The following PTPRJ variants were observed in gnomAD, a reference collection of about 807,000 sequenced individuals.
PTPRJ encodes protein tyrosine phosphatase receptor type J.
PTPRJ carries 129 observed loss-of-function variants against 141.3 expected under a neutral mutation model. That is an observed-to-expected ratio of 0.91 (90% CI 0.79 to 1.06). The LOEUF (loss-of-function observed/expected upper bound fraction) is 1.06. PTPRJ is among the 50% of genes least tolerant of loss of function. PTPRJ has a pLI of 0.00. For synonymous variants in PTPRJ, 610 were observed against 640.5 expected, an observed-to-expected ratio of 0.95 and a Z score of 0.72; for missense variants, 1,601 against 1,679.7, an observed-to-expected ratio of 0.95 and a Z score of 0.82.
intron 1 of PTPRJ, among the ~76,000 whole-genome samples, chr11:48,001,705 GAA>G (rs1019207799): frequency 2.6e-5 from 4 of 152,134 alleles, no homozygotes; most frequent in African/African-American, 9.7e-5. Context: ...TACAGGAGAG[GAA>G]AATGAGATGC....
At chr11:48,159,521 C>G (rs931569804) in intron 21 of PTPRJ, among the ~76,000 whole-genome samples, 1 of 152,086 alleles carries the variant, frequency 6.6e-6, no homozygotes, top group Admixed American at 6.5e-5. Flanking sequence ...GTAGGCAGAT[C>G]TGATTTTTAA....
intron 22 of PTPRJ, among the ~76,000 whole-genome samples, chr11:48,161,585 T>G (rs1194397490): frequency 6.6e-6 from 1 of 151,956 alleles, no homozygotes. Context: ...AGTAGAAAAA[T>G]GTCATGCTTA....
intron 1 of PTPRJ, among the ~76,000 whole-genome samples, chr11:48,074,047 A>C (rs1480050414): frequency 2.0e-5 from 3 of 152,120 alleles, no homozygotes; most frequent in African/African-American, 7.2e-5. Context: ...TGGCTCGATC[A>C]TGGCTCACTG....
chr11:48,000,467 G>C (rs1035567273), intron 1 of PTPRJ, among the ~76,000 whole-genome samples: 1 of 151,982 alleles, frequency 6.6e-6, no homozygotes, highest in Non-Finnish European at 1.5e-5. Flanking sequence ...CGTAAATTGA[G>C]GTGTGTTATT....
chr11:48,071,114 A>G (rs193283865), intron 1 of PTPRJ, among the ~76,000 whole-genome samples: 137 of 152,336 alleles, frequency 9.0e-4, no homozygotes, highest in African/African-American at 3.2e-3. Context: ...CTAGAACTAC[A>G]GATGAGTGAA....
chr11:48,124,775 A>G (rs1856795307), intron 5 of PTPRJ, among the ~76,000 whole-genome samples, 193 bp from the exon 6 acceptor site: 1 of 152,214 alleles, frequency 6.6e-6, no homozygotes, highest in African/African-American at 2.4e-5. Flanking sequence ...ATAACAGTAC[A>G]AATGGAGATG....
intron 1 of PTPRJ, among the ~76,000 whole-genome samples, chr11:48,033,063 A>C (rs1370899534): frequency 6.6e-6 from 1 of 152,134 alleles, no homozygotes; most frequent in Non-Finnish European, 1.5e-5. Flanking sequence ...ATTAAAAAAA[A>C]AAAAACAAGT....
chr11:48,025,855 T>C (rs1411705706), intron 1 of PTPRJ, among the ~76,000 whole-genome samples: 1 of 152,220 alleles, frequency 6.6e-6, no homozygotes, highest in Non-Finnish European at 1.5e-5. Context: ...CCAGGCTGCA[T>C]CTGCCTCAGA....
At chr11:48,096,635 C>G (rs1487414205) in intron 1 of PTPRJ, 1 of 154,366 alleles carries the variant, frequency 6.5e-6, no homozygotes, top group South Asian at 2.1e-4. Flanking sequence ...CAGTTCACCC[C>G]CCAGAGCTGT....
At chr11:48,026,843 C>T (rs1482372741) in intron 1 of PTPRJ, among the ~76,000 whole-genome samples, 1 of 151,978 alleles carries the variant, frequency 6.6e-6, no homozygotes. Flanking sequence ...TTATCCCTCA[C>T]CTGCTTCCCA....
chr11:48,051,841 T>C (rs1052811053), intron 1 of PTPRJ, among the ~76,000 whole-genome samples: 2 of 152,246 alleles, frequency 1.3e-5, no homozygotes, highest in African/African-American at 4.8e-5. Flanking sequence ...GCTTCTTCTA[T>C]GACTTTGAGC....
chr11:48,071,811 C>A (rs555632554), intron 1 of PTPRJ, among the ~76,000 whole-genome samples: 1 of 151,242 alleles, frequency 6.6e-6, no homozygotes, highest in Non-Finnish European at 1.5e-5. Flanking sequence ...ACCATGTTGT[C>A]CAGGATGGTC....
intron 1 of PTPRJ, among the ~76,000 whole-genome samples, chr11:47,997,984 G>A (rs200714983): frequency 6.6e-6 from 1 of 152,180 alleles, no homozygotes; most frequent in South Asian, 2.1e-4. Flanking sequence ...CCAGCCAGGG[G>A]TGAGTGGAGT....
intron 1 of PTPRJ, among the ~76,000 whole-genome samples, chr11:47,999,616 G>A (rs528194048): frequency 2.0e-5 from 3 of 152,286 alleles, no homozygotes; most frequent in African/African-American, 7.2e-5. Context: ...ATATCTGGGT[G>A]TATGGACACC....
intron 1 of PTPRJ, among the ~76,000 whole-genome samples, chr11:48,015,157 C>T (rs901897218): frequency 7.9e-5 from 12 of 151,920 alleles, no homozygotes; most frequent in Admixed American, 2.0e-4. Flanking sequence ...TTGGAGTCTG[C>T]GGTGGGGATG....
intron 1 of PTPRJ, among the ~76,000 whole-genome samples, chr11:47,999,291 T>A (rs1455676686): frequency 6.6e-6 from 1 of 152,238 alleles, no homozygotes; most frequent in Non-Finnish European, 1.5e-5. Context: ...GGCCCAAGAC[T>A]TGCTTGCTTA....
At position 48,100,030 on chromosome 11, in the gene PTPRJ, T is replaced by C. The variant is rs549942207; in HGVS notation, c.97-10028T>C. On this transcript the variant is annotated intron_variant, in intron 1 of 24. Transcript: ENST00000418331. ...GGAAGAGGGGGCCTGGGTCCTGGGC[T>C]CCCACCTAAACTCAGCAGACCCCAC... Among the ~76,000 whole-genome samples, 3 of 152,068 alleles carry C rather than the reference T, an allele frequency of 2.0e-5. No homozygotes were observed. In the South Asian group the frequency reaches 6.3e-4, roughly 32 times the overall value.
chr11:48,033,832 G>A (rs1477612452), intron 1 of PTPRJ, among the ~76,000 whole-genome samples: 1 of 152,214 alleles, frequency 6.6e-6, no homozygotes, highest in Non-Finnish European at 1.5e-5. Flanking sequence ...GCGGGAACTA[G>A]GAAGACACCT....
intron 1 of PTPRJ, among the ~76,000 whole-genome samples, chr11:48,040,612 C>CTTTTTTTT (rs398055231): frequency 1.5e-5 from 2 of 135,420 alleles, no homozygotes; most frequent in African/African-American, 5.8e-5. Context: ...TCTTCTTCTT[C>CTTTTTTTT]TTTTTTTTTT....
Sources: gnomAD v4.1 joint callset for allele counts (sites outside exome capture counted in the v4.1 genomes callset) on GRCh38, gnomAD v4.1.1 for gene constraint, MANE v1.5 for transcripts, NCBI Gene and HGNC (gene_info 2026-07-23, HGNC 2026-07-21) for gene names.